The following PACSIN1 variants were observed in gnomAD, a reference collection of about 807,000 sequenced individuals.
PACSIN1 encodes protein kinase C and casein kinase substrate in neurons protein 1.
A neutral mutation model predicts 59.5 loss-of-function variants in PACSIN1; 15 were observed. The observed-to-expected ratio is 0.25, with a 90% CI of 0.17 to 0.39. The LOEUF is 0.39. PACSIN1 is among the 10% of genes least tolerant of loss of function. The pLI, the probability that PACSIN1 is intolerant of heterozygous loss-of-function variation, is 1.00. For synonymous variants in PACSIN1, 210 were observed against 220.6 expected, an observed-to-expected ratio of 0.95 and a Z score of 0.42; for missense variants, 420 against 580.2, an observed-to-expected ratio of 0.72 and a Z score of 2.84.
chr6:34,526,426 A>T, intron 2 of PACSIN1, 58 bp downstream of exon 2: 1 of 1,440,354 alleles, frequency 6.9e-7, no homozygotes, highest in Non-Finnish European at 9.7e-7. Flanking sequence ...TTTGGAGGCC[A>T]GGCTCCCTTA....
intron 1 of PACSIN1, among the ~76,000 whole-genome samples, chr6:34,494,287 A>G (rs1766917473): frequency 6.6e-6 from 1 of 152,160 alleles, no homozygotes; most frequent in Non-Finnish European, 1.5e-5. Flanking sequence ...CCTCTTGCTC[A>G]TCAATGTCCT....
Position 34,529,984 on chromosome 6 carries a change from CAG to C in PACSIN1, c.788+144_788+145del, listed in dbSNP as rs1767561208. On this transcript the variant is annotated intron_variant, in intron 6 of 9. Coordinates refer to ENST00000244458, the MANE Select transcript of PACSIN1 (RefSeq NM_020804.5). The surrounding 1 kb of genome is among the most constrained non-coding windows in gnomAD (Gnocchi z 6.3). ...GTCAAGAAGGATGAGGCTTCAAACA[CAG>C]GGGCTGTTGAGTGCAAGCTGACGCA... 3 of 1,032,488 alleles carry C rather than the reference CAG, an allele frequency of 2.9e-6. No individual in the cohort carries two copies. The highest frequency in any genetic ancestry group is 3.2e-5 in the African/African-American group (2 of 62,782). 64.0% of individuals were successfully genotyped at this position (1,032,488 alleles called of 1,614,324 possible).
chr6:34,484,339 A>G (rs1766762046), intron 1 of PACSIN1, among the ~76,000 whole-genome samples: 1 of 152,240 alleles, frequency 6.6e-6, no homozygotes. Flanking sequence ...AAGTGAAAGA[A>G]GCCAATATGA....
chr6:34,487,372 G>A (rs1032276562), intron 1 of PACSIN1, among the ~76,000 whole-genome samples: 1 of 152,170 alleles, frequency 6.6e-6, no homozygotes, highest in African/African-American at 2.4e-5. Flanking sequence ...CACAGACATG[G>A]AATCACGTGG....
Position 34,527,340 on chromosome 6 carries a change from C to T in PACSIN1, c.72C>T (p.Asn24=), listed in dbSNP as rs1767507460. 1 of 1,579,384 alleles carries T rather than the reference C, an allele frequency of 6.3e-7. No individual in the cohort carries two copies. The highest frequency in any genetic ancestry group is 1.4e-5 in the African/African-American group (1 of 72,970). The change falls in exon 3 of 10, where the codon AAC becomes AAT. Residue 24 remains asparagine, a synonymous_variant. Transcript: ENST00000244458. The part of the protein sequence containing the change: ...ETTDSFWEVG[N]YKRTVKRIDD... ...CGCTGCTTGGCCGCCAGGTGGGGAA[C>T]TACAAGCGGACCGTGAAGCGCATCG...
intron 1 of PACSIN1, among the ~76,000 whole-genome samples, chr6:34,495,601 C>T (rs999228623): frequency 1.7e-4 from 26 of 152,114 alleles, no homozygotes; most frequent in East Asian, 7.7e-4. Flanking sequence ...TACAGGCGCG[C>T]GCCACCACAC....
intron 1 of PACSIN1, among the ~76,000 whole-genome samples, chr6:34,475,613 C>A (rs944437944): frequency 6.6e-6 from 1 of 152,166 alleles, no homozygotes; most frequent in African/African-American, 2.4e-5. Flanking sequence ...GGCCTAGCCT[C>A]CCCCTGCATC....
Position 34,478,145 on chromosome 6 carries a change from C to T in PACSIN1, c.-64+11875C>T, listed in dbSNP as rs575022832. 1.6e-3 allele frequency among the ~76,000 whole-genome samples: 239 copies of T among 151,244 alleles called. 2 individuals are homozygous for T. Among genetic ancestry groups the T allele is most frequent in the Middle Eastern group, 6.8e-3 (2 of 292 alleles). ...CGCGATCTCGGCTTACTGCAACCTC[C>T]GGCTCCCGGGTTCCAGCGATTCTCC... On this transcript the variant is annotated intron_variant, in intron 1 of 9. Coordinates refer to ENST00000244458, the MANE Select transcript of PACSIN1 (RefSeq NM_020804.5).
At chr6:34,487,370 T>C (rs1001160042) in intron 1 of PACSIN1, among the ~76,000 whole-genome samples, 4 of 152,186 alleles carry the variant, frequency 2.6e-5, no homozygotes, top group African/African-American at 9.6e-5. Context: ...TTCACAGACA[T>C]GGAATCACGT....
Position 34,532,190 on chromosome 6 carries a change from G to C in PACSIN1, c.1226-231G>C, listed in dbSNP as rs1412592280. Among the ~76,000 whole-genome samples the C allele has an allele frequency of 6.6e-6, 1 of 151,968 alleles. No homozygotes were observed. The highest frequency in any genetic ancestry group is 1.5e-5 in the Non-Finnish European group (1 of 67,974). ...GGATGCGAGGTCTGGTTTTGGGGAC[G>C]GACCCGACACCCAGATTAGGTGAAT... On this transcript the variant is annotated intron_variant, in intron 9 of 9. Coordinates refer to ENST00000244458, the MANE Select transcript of PACSIN1 (RefSeq NM_020804.5). The surrounding 1 kb of genome is among the most constrained non-coding windows in gnomAD (Gnocchi z 5.2).
chr6:34,522,493 C>T (rs1767410902), intron 1 of PACSIN1, among the ~76,000 whole-genome samples: 1 of 152,162 alleles, frequency 6.6e-6, no homozygotes. Context: ...GCACCTTTCC[C>T]TAGCTGGGTG....
At chr6:34,527,990 C>T (rs1032431535) in intron 3 of PACSIN1, among the ~76,000 whole-genome samples, 1 of 152,254 alleles carries the variant, frequency 6.6e-6, no homozygotes, top group African/African-American at 2.4e-5. Flanking sequence ...GGCAATTGCG[C>T]TTGCTAGTCC....
At chr6:34,510,938 C>G (rs546585849) in intron 1 of PACSIN1, among the ~76,000 whole-genome samples, 96 of 152,284 alleles carry the variant, frequency 6.3e-4, no homozygotes, top group Non-Finnish European at 1.1e-3. Context: ...GTCGCGAACT[C>G]CTGAACTCAG....
chr6:34,476,696 G>A (rs1266529569), intron 1 of PACSIN1, among the ~76,000 whole-genome samples: 1 of 152,160 alleles, frequency 6.6e-6, no homozygotes, highest in African/African-American at 2.4e-5. Context: ...AGCATGGCCT[G>A]GGTGTTGGTG....
chr6:34,527,292 T>C, intron 2 of PACSIN1, 40 bp from the exon 3 acceptor site: 1 of 1,469,434 alleles, frequency 6.8e-7, no homozygotes, highest in Non-Finnish European at 9.1e-7. Context: ...CTGGGGACGC[T>C]GGGAACCCGC....
chr6:34,479,723 T>C (rs1353927299), intron 1 of PACSIN1, among the ~76,000 whole-genome samples: 5 of 152,184 alleles, frequency 3.3e-5, no homozygotes, highest in African/African-American at 1.2e-4. Flanking sequence ...TTCAAAGTGC[T>C]GGGATTACAG....
intron 1 of PACSIN1, among the ~76,000 whole-genome samples, chr6:34,524,990 C>T (rs773213070): frequency 6.6e-6 from 1 of 152,160 alleles, no homozygotes; most frequent in Admixed American, 6.5e-5. Flanking sequence ...ACCTATCTCA[C>T]CTGGCTGACC....
intron 1 of PACSIN1, among the ~76,000 whole-genome samples, chr6:34,505,264 T>C (rs962984726): frequency 6.6e-6 from 1 of 152,170 alleles, no homozygotes; most frequent in African/African-American, 2.4e-5. Context: ...TTTTCAAGAT[T>C]TTTTCATTGT....
intron 1 of PACSIN1, among the ~76,000 whole-genome samples, chr6:34,489,998 C>T (rs548851686): frequency 4.7e-4 from 71 of 152,230 alleles, no homozygotes; most frequent in African/African-American, 1.7e-3. Context: ...GATCTGGAAA[C>T]TTCTCAAAGG....
Sources: gnomAD v4.1 joint callset for allele counts (sites outside exome capture counted in the v4.1 genomes callset) on GRCh38, gnomAD v4.1.1 for gene constraint, Gnocchi (gnomAD v3.1) non-coding constraint, MANE v1.5 for transcripts, NCBI Gene and HGNC (gene_info 2026-07-23, HGNC 2026-07-21) for gene names.